CSMD2: variants seen among roughly 807,000 people sequenced by gnomAD.
CSMD2 encodes CUB and Sushi multiple domains 2, also known as CUB and sushi domain-containing protein 2.
A neutral mutation model predicts 398.5 loss-of-function variants in CSMD2; 130 were observed. That is an observed-to-expected ratio of 0.33 (90% CI 0.28 to 0.38). The LOEUF (loss-of-function observed/expected upper bound fraction) is 0.38. Among genes scored for constraint, CSMD2 ranks in the 10% least tolerant of loss-of-function variants. The pLI, the probability that CSMD2 is intolerant of heterozygous loss-of-function variation, is 1.00. For synonymous variants in CSMD2, 1,828 were observed against 1,908.5 expected, an observed-to-expected ratio of 0.96 and a Z score of 1.10; for missense variants, 3,829 against 4,764.9, an observed-to-expected ratio of 0.80 and a Z score of 5.78.
rs750895036 is a variant in CSMD2, at chr1:33,825,754, T to A, written c.1054A>T (p.Lys352Ter). ...QYQVKKQIEL[K>*]SRGVKLMPSK... ...GGCATCAGCTTCACACCTCGAGACT[T>A]CAACTCAATTTGCTTCTTGACTAGA... Residue 352 changes from lysine (K) to a stop codon, truncating the protein, a stop_gained, in exon 7 of 71, where the codon AAG becomes TAG. Coordinates refer to ENST00000373381, the MANE Select transcript of CSMD2 (RefSeq NM_001281956.2). LOFTEE classifies it high-confidence loss of function. The A allele has an allele frequency of 1.2e-6, 2 of 1,614,078 alleles. No individual in the cohort carries two copies. Among genetic ancestry groups the A allele is most frequent in the Non-Finnish European group, 1.7e-6 (2 of 1,179,974 alleles).
chr1:34,032,481 G>T (rs559661189), intron 3 of CSMD2, 113 bp downstream of exon 3: 3 of 640,146 alleles, frequency 4.7e-6, no homozygotes, highest in Non-Finnish European at 7.7e-6. Context: ...CAGGACAGGC[G>T]CAAGCTCTGG....
chr1:33,845,052 T>C (rs1661221048), intron 6 of CSMD2, among the ~76,000 whole-genome samples: 1 of 152,254 alleles, frequency 6.6e-6, no homozygotes, highest in Non-Finnish European at 1.5e-5. Flanking sequence ...ATTTTCCTTT[T>C]AGCTCTACAG....
intron 23 of CSMD2, among the ~76,000 whole-genome samples, chr1:33,699,853 A>C (rs569716887): frequency 3.3e-4 from 51 of 152,298 alleles, no homozygotes; most frequent in African/African-American, 1.2e-3. Context: ...CCTCAGCCCT[A>C]GGCAACTGCC....
Position 33,721,177 on chromosome 1 carries a change from A to T in CSMD2, c.3001+3020T>A, listed in dbSNP as rs191235530. Among the ~76,000 whole-genome samples, 17 of 152,202 alleles carry T rather than the reference A, an allele frequency of 1.1e-4. No individual in the cohort carries two copies. In the East Asian group the frequency reaches 3.1e-3, roughly 28 times the overall value. On this transcript the variant is annotated intron_variant, in intron 19 of 70. Coordinates refer to ENST00000373381, the MANE Select transcript of CSMD2 (RefSeq NM_001281956.2). ...GACCAGCTGAAGTCTCAACTCCAGGACACCTTCCTAAGCCCTGGGCTGGGC... is the reference window on the plus strand; with the variant it reads ...GACCAGCTGAAGTCTCAACTCCAGGTCACCTTCCTAAGCCCTGGGCTGGGC...
Position 34,165,196 on chromosome 1 carries a change from G to A in CSMD2, c.-99C>T, listed in dbSNP as rs528897368. ...CTTTTTTCTGCTCGGAAAAAATCCCGGTACGCGGGAGCCCTGAGCTTCTGC... is the reference window on the plus strand; with the variant it reads ...CTTTTTTCTGCTCGGAAAAAATCCCAGTACGCGGGAGCCCTGAGCTTCTGC... On this transcript the variant is annotated 5_prime_UTR_variant, in exon 1 of 71. Transcript: ENST00000373381. 2 of 1,165,638 alleles carry A rather than the reference G, an allele frequency of 1.7e-6. No individual in the cohort carries two copies. Among genetic ancestry groups the A allele is most frequent in the African/African-American group, 1.6e-5 (1 of 62,064 alleles). The allele number at this position is 1,165,638 out of a possible 1,614,324, so 72.2% of individuals were successfully genotyped here.
At chr1:33,663,800 C>G (rs1173686930) in intron 25 of CSMD2, among the ~76,000 whole-genome samples, 1 of 152,146 alleles carries the variant, frequency 6.6e-6, no homozygotes, top group Non-Finnish European at 1.5e-5. Flanking sequence ...TGGCTACAAG[C>G]CTGTGTGACT....
intron 2 of CSMD2, among the ~76,000 whole-genome samples, chr1:34,055,194 T>C (rs1240168335): frequency 1.3e-5 from 2 of 152,170 alleles, no homozygotes; most frequent in Non-Finnish European, 2.9e-5. Context: ...CTCCCAACTT[T>C]TCAGCTGTAG....
chr1:33,520,677 G>C (rs1310724569), intron 68 of CSMD2, among the ~76,000 whole-genome samples: 4 of 152,256 alleles, frequency 2.6e-5, no homozygotes, highest in African/African-American at 9.6e-5. Flanking sequence ...GGGTGGGAAA[G>C]GGTGGGAGCA....
rs1272446449 is a variant in CSMD2, at chr1:33,709,121, C to T, written c.3544G>A (p.Ala1182Thr). 1.9e-6 allele frequency: 3 copies of T among 1,613,864 alleles called. No individual in the cohort carries two copies. The highest frequency in any genetic ancestry group is 2.5e-6 in the Non-Finnish European group (3 of 1,179,894). Residue 1182 changes from alanine to threonine, a missense_variant, in exon 22 of 71, where the codon GCA (alanine) becomes ACA (threonine). Ala to Thr is a moderately conservative substitution (Grantham distance 58, BLOSUM62 0). Coordinates refer to ENST00000373381, the MANE Select transcript of CSMD2 (RefSeq NM_001281956.2). ...ACATCTCCTTCGGAGAGTTCGAATGCCCTGGCTTTCAGCTGAATTCCCTTC... is the reference window on the plus strand; with the variant it reads ...ACATCTCCTTCGGAGAGTTCGAATGTCCTGGCTTTCAGCTGAATTCCCTTC... ...PGKGIQLKAR[A>T]FELSEGDVLK...
intron 2 of CSMD2, among the ~76,000 whole-genome samples, chr1:34,059,669 A>G (rs535562362): frequency 6.1e-4 from 93 of 152,296 alleles, no homozygotes; most frequent in Middle Eastern, 3.4e-3. Context: ...GGTCTCCCTC[A>G]GTGGCTGGCC....
chr1:33,932,144 AG>A (rs919008951), intron 4 of CSMD2, among the ~76,000 whole-genome samples: 3 of 152,176 alleles, frequency 2.0e-5, no homozygotes, highest in African/African-American at 7.2e-5. Flanking sequence ...CAAAAAGAGC[AG>A]GTTTGGGGAA....
At chr1:33,701,788 TA>T (rs1268575146) in intron 22 of CSMD2, among the ~76,000 whole-genome samples, 52 of 152,348 alleles carry the variant, frequency 3.4e-4, no homozygotes, top group Middle Eastern at 3.4e-3. Context: ...TCAAAGAGTT[TA>T]GCTTAAATTG....
chr1:33,841,603 C>T (rs141685609), intron 6 of CSMD2, among the ~76,000 whole-genome samples: 6 of 151,546 alleles, frequency 4.0e-5, no homozygotes, highest in East Asian at 2.0e-4. Flanking sequence ...TGGAGGCAGA[C>T]GGATTGATTA....
chr1:33,663,514 GC>G (rs1644211261), intron 25 of CSMD2, among the ~76,000 whole-genome samples: 2 of 152,130 alleles, frequency 1.3e-5, no homozygotes, highest in Non-Finnish European at 2.9e-5. Context: ...AATAATTGGG[GC>G]TAGAGGGCAG....
intron 13 of CSMD2, among the ~76,000 whole-genome samples, chr1:33,751,017 A>G (rs10798984): frequency 0.31 from 46,421 of 152,036 alleles, 8,870 homozygotes; most frequent in African/African-American, 0.55. Flanking sequence ...ACTACATTTA[A>G]ATATTTACTA....
chr1:33,906,774 G>A (rs1414203333), intron 5 of CSMD2, among the ~76,000 whole-genome samples: 1 of 152,162 alleles, frequency 6.6e-6, no homozygotes. Flanking sequence ...GGTAGGCTGG[G>A]CTAGGGAGCC....
chr1:33,643,571 G>A (rs982612899), intron 29 of CSMD2, among the ~76,000 whole-genome samples: 1 of 152,168 alleles, frequency 6.6e-6, no homozygotes, highest in African/African-American at 2.4e-5. Flanking sequence ...CAACTCCTTC[G>A]TTTAGTGTCA....
intron 10 of CSMD2, among the ~76,000 whole-genome samples, chr1:33,796,353 C>A (rs1482020768): frequency 6.6e-6 from 1 of 152,292 alleles, no homozygotes; most frequent in Admixed American, 6.5e-5. Context: ...GGCAGAGGAG[C>A]ATAAATTGTG....
chr1:33,561,430 T>C (rs1024787213), intron 53 of CSMD2, among the ~76,000 whole-genome samples: 2 of 152,240 alleles, frequency 1.3e-5, no homozygotes, highest in African/African-American at 4.8e-5. Flanking sequence ...AGTAAGAATT[T>C]TGATATGCAT....
Sources: gnomAD v4.1 joint callset for allele counts (sites outside exome capture counted in the v4.1 genomes callset) on GRCh38, gnomAD v4.1.1 for gene constraint, MANE v1.5 for transcripts, NCBI Gene and HGNC (gene_info 2026-07-23, HGNC 2026-07-21) for gene names.